Variants in APAF1 observed in about 807,000 individuals in gnomAD.
The protein encoded by APAF1 is apoptotic peptidase activating factor 1.
A neutral mutation model predicts 152.4 loss-of-function variants in APAF1; 91 were observed. The ratio of observed to expected loss-of-function variants is 0.60; its 90% CI spans 0.50 to 0.71. The LOEUF is 0.71. APAF1 is among the 30% of genes least tolerant of loss of function. The probability of loss-of-function intolerance (pLI) is 0.00; values close to 1 mark genes in which losing one functional copy is unlikely to be tolerated. For synonymous variants in APAF1, 484 were observed against 494.1 expected, an observed-to-expected ratio of 0.98 and a Z score of 0.27; for missense variants, 1,283 against 1,472.0, an observed-to-expected ratio of 0.87 and a Z score of 2.10.
chr12:98,688,221 C>T (rs1306151567), intron 16 of APAF1, among the ~76,000 whole-genome samples: 2 of 152,084 alleles, frequency 1.3e-5, no homozygotes, highest in African/African-American at 2.4e-5. Flanking sequence ...TTCCCAATTC[C>T]ACTTTATTAT....
Position 98,723,761 on chromosome 12 carries a change from A to G in APAF1, c.3327A>G (p.Ala1109=). 5 of 1,613,840 alleles carry G rather than the reference A, an allele frequency of 3.1e-6. No homozygotes were observed. The highest frequency in any genetic ancestry group is 4.2e-6 in the Non-Finnish European group (5 of 1,179,878). The stretch of plus-strand genomic sequence containing the variant: ...CATCTACCTCTGCTGACAAGACTGC[A>G]AAGGTAGGTCAATCAATTGAAACCA... The part of the protein sequence containing the change: ...KFSSTSADKT[A]KIWSFDLLLP... Residue 1109 remains alanine (A), a synonymous_variant, in exon 24 of 27, where the codon GCA becomes GCG. Transcript: ENST00000551964.
intron 4 of APAF1, among the ~76,000 whole-genome samples, chr12:98,652,141 C>G (rs1341119958): frequency 6.6e-6 from 1 of 151,792 alleles, no homozygotes; most frequent in Non-Finnish European, 1.5e-5. Context: ...TTTGTAGAGA[C>G]AGGTTTTTGC....
intron 19 of APAF1, 43 bp downstream of exon 19, chr12:98,706,653 T>C: frequency 1.2e-6 from 2 of 1,611,332 alleles, no homozygotes; most frequent in Non-Finnish European, 1.7e-6. Flanking sequence ...TTCCTGATGG[T>C]GAGCTAAACC....
At chr12:98,665,862 T>TAACAACA (rs2097672036) in intron 8 of APAF1, 71 bp downstream of exon 8, 1 of 1,319,176 alleles carries the variant, frequency 7.6e-7, no homozygotes, top group Admixed American at 1.7e-5. Context: ...CTGAGCATGT[T>TAACAACA]GTTACAGAGA....
chr12:98,723,684 C>A lies in APAF1; in HGVS notation c.3250C>A (p.His1084Asn). The change falls in exon 24 of 27, where the codon CAC (histidine) becomes AAC (asparagine). Residue 1084 changes from histidine (H) to asparagine (N), a missense_variant. Coordinates refer to ENST00000551964, the MANE Select transcript of APAF1 (RefSeq NM_181861.2). The part of the protein sequence containing the change: ...TGNKEKDFVC[H>N]QGTVLSCDIS... Reference sequence around the variant, plus strand: ...AAATAAAGAAAAAGACTTTGTCTGTCACCAGGGTACAGTACTTTCTTGTGA... The same window carrying A: ...AAATAAAGAAAAAGACTTTGTCTGTAACCAGGGTACAGTACTTTCTTGTGA... 6.2e-7 allele frequency: 1 copy of A among 1,606,990 alleles called. No individual in the cohort carries two copies. The highest frequency in any genetic ancestry group is 1.1e-5 in the South Asian group (1 of 90,850).
At chr12:98,722,343 A>G (rs1460970707) in intron 22 of APAF1, among the ~76,000 whole-genome samples, 1 of 151,898 alleles carries the variant, frequency 6.6e-6, no homozygotes, top group Non-Finnish European at 1.5e-5. Flanking sequence ...TGTATTTCTC[A>G]TTTTCTTTGC....
At position 98,703,404 on chromosome 12, in the gene APAF1, G is replaced by T; in HGVS notation, c.2500G>T (p.Glu834Ter). The change falls in exon 18 of 27, where the codon GAA becomes TAA. Residue 834 changes from glutamate (E) to a stop codon, truncating the protein, a stop_gained. Coordinates refer to ENST00000551964, the MANE Select transcript of APAF1 (RefSeq NM_181861.2). LOFTEE classifies it high-confidence loss of function. The stretch of plus-strand genomic sequence containing the variant: ...CATTCATACTAGTGGCCTATTGGGA[G>T]AAATCCACACGGGCCATCACAGCAC... ...FDIHTSGLLG[E>*]IHTGHHSTIQ... 1 of 1,614,108 alleles carries T rather than the reference G, an allele frequency of 6.2e-7. No individual in the cohort carries two copies.
rs1409715933 is a variant in APAF1, at chr12:98,648,822, A to G, written c.328+7A>G. 3 of 1,612,176 alleles carry G rather than the reference A, an allele frequency of 1.9e-6. No individual in the cohort carries two copies. Among genetic ancestry groups the G allele is most frequent in the Non-Finnish European group, 2.5e-6 (3 of 1,178,602 alleles). On this transcript the variant is annotated splice_region_variant and intron_variant, in intron 3 of 26. Coordinates refer to ENST00000551964, the MANE Select transcript of APAF1 (RefSeq NM_181861.2). ...AGTGGAATAACTTCGTATGGTTTGT[A>G]TCCATTATACCTTCTATCACTTTGC...
chr12:98,702,570 A>G lies in APAF1; in HGVS notation c.2467-801A>G, dbSNP rs184542851. Among the ~76,000 whole-genome samples the G allele has an allele frequency of 2.1e-3, 315 of 152,090 alleles. 1 individual carries two copies. The highest frequency in any genetic ancestry group is 7.2e-3 in the African/African-American group (299 of 41,534). ...CTGGGCGTGGTGGCTCACACCGGTA[A>G]TCCCAGCACTTTGGGAGGCCAAGGT... On this transcript the variant is annotated intron_variant, in intron 17 of 26. Coordinates refer to ENST00000551964, the MANE Select transcript of APAF1 (RefSeq NM_181861.2).
intron 16 of APAF1, among the ~76,000 whole-genome samples, chr12:98,690,177 A>G (rs7966685): frequency 0.013 from 1,969 of 152,320 alleles, 38 homozygotes; most frequent in African/African-American, 0.045. Context: ...ACTCTGGTTG[A>G]ATCTTTGATC....
intron 15 of APAF1, 148 bp from the exon 16 acceptor site, chr12:98,686,600 G>A (rs1236019826): frequency 2.7e-6 from 2 of 752,078 alleles, no homozygotes; most frequent in African/African-American, 3.5e-5. Flanking sequence ...GTTCATTTTT[G>A]TGTTTGATAC....
chr12:98,655,544 T>G (rs1385571668), intron 4 of APAF1, among the ~76,000 whole-genome samples: 3 of 152,236 alleles, frequency 2.0e-5, no homozygotes, highest in African/African-American at 7.2e-5. Flanking sequence ...CGTAGTATTT[T>G]CATTTAAAAA....
intron 1 of APAF1, among the ~76,000 whole-genome samples, chr12:98,646,783 T>G (rs932529969): frequency 6.6e-6 from 1 of 152,224 alleles, no homozygotes; most frequent in Non-Finnish European, 1.5e-5. Flanking sequence ...ATGGAAAAAT[T>G]TGCATTATAT....
At chr12:98,653,410 A>G (rs1478611854) in intron 4 of APAF1, among the ~76,000 whole-genome samples, 1 of 151,144 alleles carries the variant, frequency 6.6e-6, no homozygotes, top group Non-Finnish European at 1.5e-5. Context: ...TAATCCCAGC[A>G]CTCTGGGAGG....
intron 23 of APAF1, 76 bp from the exon 24 acceptor site, chr12:98,723,563 T>C (rs1474339420): frequency 7.3e-7 from 1 of 1,372,796 alleles, no homozygotes; most frequent in Admixed American, 1.9e-5. Context: ...AGACCTGTCT[T>C]GTAGCTGATT....
intron 13 of APAF1, among the ~76,000 whole-genome samples, chr12:98,679,140 T>A (rs1247172381): frequency 6.6e-6 from 1 of 152,160 alleles, no homozygotes; most frequent in Non-Finnish European, 1.5e-5. Context: ...ATGGACCAGT[T>A]GGCATGTACT....
rs772005315 is a variant in APAF1 at position 98,703,355 on chromosome 12, CTATT to C, written c.2467-12_2467-9del. On this transcript the variant is annotated splice_polypyrimidine_tract_variant and intron_variant, in intron 17 of 26. Transcript: ENST00000551964. ...AAGTATTTTACCTTCATAGGTATCT[CTATT>C]TATGTTGACAGCTTTTTGACATTCA... 1.9e-6 allele frequency: 3 copies of C among 1,613,816 alleles called. No individual in the cohort carries two copies. Among genetic ancestry groups the C allele is most frequent in the Non-Finnish European group, 2.5e-6 (3 of 1,179,800 alleles).
In APAF1 at chr12:98,735,327, T is replaced by C; in HGVS notation, c.*2761T>C. ...TCTCTTGTATGTTTTGAAACTCTTG[T>C]ATTTATGATATAGCTTATATGATTT... On this transcript the variant is annotated 3_prime_UTR_variant, in exon 27 of 27. Transcript: ENST00000551964. The C allele has an allele frequency of 7.4e-6, 3 of 407,362 alleles. No homozygotes were observed. Among genetic ancestry groups the C allele is most frequent in the Non-Finnish European group, 1.3e-5 (3 of 230,666 alleles). The allele number at this position is 407,362 out of a possible 1,614,324, so 25.2% of individuals were successfully genotyped here.
chr12:98,679,368 C>T (rs1476981543), intron 13 of APAF1, among the ~76,000 whole-genome samples: 1 of 152,138 alleles, frequency 6.6e-6, no homozygotes. Flanking sequence ...GCTACCCTCT[C>T]CTGAGCTGTG....
Sources: gnomAD v4.1 joint callset for allele counts (sites outside exome capture counted in the v4.1 genomes callset) on GRCh38, gnomAD v4.1.1 for gene constraint, MANE v1.5 for transcripts, NCBI Gene and HGNC (gene_info 2026-07-23, HGNC 2026-07-21) for gene names.